The following UPF2 variants were observed in gnomAD, a reference collection of about 807,000 sequenced individuals.
UPF2 encodes UPF2 regulator of nonsense mediated mRNA decay, also known as regulator of nonsense transcripts 2.
A neutral mutation model predicts 141.4 loss-of-function variants in UPF2; 17 were observed. The observed-to-expected ratio is 0.12, with a 90% confidence interval of 0.08 to 0.18. The LOEUF is 0.18. Ranked by LOEUF, UPF2 falls within the 10% of genes least tolerant of loss-of-function variation. The probability of loss-of-function intolerance (pLI) is 1.00; values close to 1 mark genes in which losing one functional copy is unlikely to be tolerated. For synonymous variants in UPF2, 540 were observed against 498.0 expected (o/e 1.08, Z -1.12); for missense variants, 1,152 against 1,515.9 (o/e 0.76, Z 3.99).
chr10:11,941,732 C>T (rs1300553567), intron 18 of UPF2, among the ~76,000 whole-genome samples: 12 of 152,186 alleles, frequency 7.9e-5, no homozygotes, highest in African/African-American at 2.2e-4. Context: ...TCCTGCCATT[C>T]GAACAAACCC....
In UPF2 at chr10:12,042,302, G is replaced by GA. The variant is rs2131326366; in HGVS notation, c.-19+452dup. 6.6e-6 allele frequency among the ~76,000 whole-genome samples: 1 copy of GA among 151,844 alleles called. No homozygotes were observed. The highest frequency in any genetic ancestry group is 2.1e-4 in the South Asian group (1 of 4,798). ...TCTCGCCCCACACTCCCTCGCCACA[G>GA]AAGCCTTCCCGGCCGGTCTCCCCAC... On this transcript the variant is annotated intron_variant, in intron 1 of 21. Transcript: ENST00000357604. This position sits in a 1 kb window ranked among gnomAD's most constrained non-coding sequence, Gnocchi z 5.5.
chr10:11,954,746 C>T (rs11812499), intron 14 of UPF2, among the ~76,000 whole-genome samples: 348 of 147,772 alleles, frequency 2.4e-3, no homozygotes, highest in African/African-American at 7.8e-3. Context: ...GAGGCTGACG[C>T]GGGAGGTTTA....
chr10:12,026,359 T>G (rs1020754796), intron 3 of UPF2, among the ~76,000 whole-genome samples: 1 of 152,098 alleles, frequency 6.6e-6, no homozygotes, highest in East Asian at 1.9e-4. Flanking sequence ...AGGTCACAGA[T>G]AGAAAAGAAT....
At chr10:11,955,571 A>ACGCTCTCCCTCTCCCTCTCC in intron 13 of UPF2, 64 bp from the exon 14 acceptor site, 1 of 1,466,526 alleles carries the variant, frequency 6.8e-7, no homozygotes, top group Non-Finnish European at 9.1e-7. Flanking sequence ...AACAGGTTAA[A>ACGCTCTCCCTCTCCCTCTCC]CTTGTCTCTG....
In UPF2 at chr10:12,002,168, G is replaced by C. The variant is rs944140948; in HGVS notation, c.1505-343C>G. Among the ~76,000 whole-genome samples the C allele has an allele frequency of 3.3e-5, 5 of 152,174 alleles. No individual in the cohort carries two copies. The East Asian group carries it at 9.6e-4, about 29-fold the overall frequency. On this transcript the variant is annotated intron_variant, in intron 5 of 21. Coordinates refer to ENST00000357604, the MANE Select transcript of UPF2 (RefSeq NM_015542.4). ...TGTCTGTAATCCCAGCTACTCAGGAGGCTGAGGCAGGAGAATTGCTTGAAC... is the reference window on the plus strand; with the variant it reads ...TGTCTGTAATCCCAGCTACTCAGGACGCTGAGGCAGGAGAATTGCTTGAAC...
chr10:11,996,822 G>A (rs1438119259), intron 8 of UPF2, among the ~76,000 whole-genome samples: 1 of 152,128 alleles, frequency 6.6e-6, no homozygotes, highest in Non-Finnish European at 1.5e-5. Flanking sequence ...TAGTGATTTG[G>A]TTTCACTGAG....
chr10:12,013,957 A>G (rs914365907), intron 4 of UPF2, 67 bp downstream of exon 4: 42 of 1,353,318 alleles, frequency 3.1e-5, no homozygotes, highest in Non-Finnish European at 3.7e-5. Context: ...TGCACATCTG[A>G]TAAGCCTAAA....
At position 12,014,188 on chromosome 10, in the gene UPF2, T is replaced by C. The variant is rs775063334; in HGVS notation, c.1146-4A>G. On this transcript the variant is annotated splice_region_variant and splice_polypyrimidine_tract_variant and intron_variant, in intron 3 of 21. Transcript: ENST00000357604. This position sits in a 1 kb window ranked among gnomAD's most constrained non-coding sequence, Gnocchi z 5.0. ...CCCTTTAGAATGTAGAATGCGCCTA[T>C]AAACAAATGAAATCATCTGACAGTC... 1 of 1,405,614 alleles carries C rather than the reference T, an allele frequency of 7.1e-7. No homozygotes were observed. Among genetic ancestry groups the C allele is most frequent in the Non-Finnish European group, 9.4e-7 (1 of 1,065,074 alleles). 87.1% of individuals were successfully genotyped at this position (1,405,614 alleles called of 1,614,324 possible).
intron 3 of UPF2, among the ~76,000 whole-genome samples, chr10:12,025,791 A>T (rs11599803): frequency 0.052 from 7,968 of 152,214 alleles, 284 homozygotes; most frequent in Non-Finnish European, 0.08. Context: ...CCAGAAGATA[A>T]GCACTATTCA....
In UPF2 at chr10:12,035,160, T is replaced by G. The variant is rs781227336; in HGVS notation, c.264A>C (p.Lys88Asn). 1 of 1,606,516 alleles carries G rather than the reference T, an allele frequency of 6.2e-7. No individual in the cohort carries two copies. Among genetic ancestry groups the G allele is most frequent in the South Asian group, 1.1e-5 (1 of 88,470 alleles). ...GTTTCTTTTTTTCTTCCTCTTCTTTTTTCTTTGATTCTTCCTCTGCCTTCA... is the reference window on the plus strand; with the variant it reads ...GTTTCTTTTTTTCTTCCTCTTCTTTGTTCTTTGATTCTTCCTCTGCCTTCA... ...EKVKAEEESK[K>N]KEEEEKKKHQ... is the part of the protein sequence containing the mutation. Residue 88 changes from lysine (K) to asparagine (N), a missense_variant, in exon 2 of 22, where the codon AAA becomes AAC. Lys to Asn is a moderately conservative substitution (Grantham distance 94). This residue lies in a region of UPF2 where 145 missense variants were observed against 136.5 expected (regional missense o/e 1.06). Coordinates refer to ENST00000357604, the MANE Select transcript of UPF2 (RefSeq NM_015542.4).
chr10:11,957,598 C>G (rs1471220659), intron 12 of UPF2, among the ~76,000 whole-genome samples: 3 of 151,722 alleles, frequency 2.0e-5, no homozygotes, highest in East Asian at 2.0e-4. Context: ...TCACTACAAC[C>G]CTCCGCCTCC....
At chr10:11,981,653 T>G (rs1330510996) in intron 8 of UPF2, among the ~76,000 whole-genome samples, 1 of 150,478 alleles carries the variant, frequency 6.6e-6, no homozygotes, top group African/African-American at 2.4e-5. Flanking sequence ...TCTCTAAAGA[T>G]ATTACAAAAA....
intron 15 of UPF2, among the ~76,000 whole-genome samples, chr10:11,950,013 T>C (rs910042964): frequency 3.9e-5 from 6 of 152,068 alleles, no homozygotes; most frequent in Non-Finnish European, 8.8e-5. Flanking sequence ...AGAAAAAATT[T>C]CATAATGTAT....
chr10:12,039,622 C>CTTTT (rs747946922), intron 1 of UPF2, among the ~76,000 whole-genome samples: 4 of 140,812 alleles, frequency 2.8e-5, no homozygotes, highest in Non-Finnish European at 3.1e-5. Context: ...CTCTCTCTCT[C>CTTTT]TTTTTTTTTT....
At position 11,921,109 on chromosome 10, in the gene UPF2, G is replaced by T. The variant is rs377540681; in HGVS notation, c.*189C>A. Reference sequence around the variant, plus strand: ...GGCCTTTTCCGCCTTGTCTGGAAGCGTCGGCTTGTTCCGGTGTTGGCAGAG... The same window carrying T: ...GGCCTTTTCCGCCTTGTCTGGAAGCTTCGGCTTGTTCCGGTGTTGGCAGAG... On this transcript the variant is annotated 3_prime_UTR_variant, in exon 22 of 22. Coordinates refer to ENST00000357604, the MANE Select transcript of UPF2 (RefSeq NM_015542.4). The surrounding 1 kb of genome is among the most constrained non-coding windows in gnomAD (Gnocchi z 5.9). 2.4e-6 allele frequency: 2 copies of T among 817,616 alleles called. No homozygotes were observed. Among genetic ancestry groups the T allele is most frequent in the East Asian group, 2.4e-5 (1 of 41,048 alleles). 50.6% of individuals were successfully genotyped at this position (817,616 alleles called of 1,614,324 possible).
At chr10:11,938,050 CA>C (rs1197489237) in intron 18 of UPF2, among the ~76,000 whole-genome samples, 5 of 152,154 alleles carry the variant, frequency 3.3e-5, no homozygotes, top group Admixed American at 6.5e-5. Context: ...CAAGATGCAA[CA>C]ACTATTAACA....
chr10:11,966,266 T>A (rs1245776045), intron 10 of UPF2, among the ~76,000 whole-genome samples: 1 of 152,206 alleles, frequency 6.6e-6, no homozygotes, highest in Non-Finnish European at 1.5e-5. Flanking sequence ...CTGAGAGGTG[T>A]TTTCAAGTCT....
intron 9 of UPF2, among the ~76,000 whole-genome samples, chr10:11,976,263 A>T (rs1231735606): frequency 6.6e-6 from 1 of 152,214 alleles, no homozygotes; most frequent in Non-Finnish European, 1.5e-5. Flanking sequence ...TACTGGATCT[A>T]GGTAGAAGAC....
chr10:11,942,629 T>C, intron 18 of UPF2, 36 bp downstream of exon 18: 1 of 1,585,012 alleles, frequency 6.3e-7, no homozygotes, highest in Non-Finnish European at 8.7e-7. Context: ...ATGTTTTGTA[T>C]TGAGAAGAGT....
Sources: gnomAD v4.1 joint callset for allele counts (sites outside exome capture counted in the v4.1 genomes callset) on GRCh38, gnomAD v4.1.1 for gene constraint, gnomAD v4.1.1 regional missense constraint, Gnocchi (gnomAD v3.1) non-coding constraint, MANE v1.5 for transcripts, NCBI Gene and HGNC (gene_info 2026-07-23, HGNC 2026-07-21) for gene names.